UGGT2: variants seen among roughly 807,000 people sequenced by gnomAD.
UGGT2 encodes UDP-glucose:glycoprotein glucosyltransferase 2.
UGGT2 carries 180 observed loss-of-function variants against 192.1 expected under a neutral mutation model. The ratio of observed to expected loss-of-function variants is 0.94; its 90% confidence interval spans 0.83 to 1.06. UGGT2 has a LOEUF of 1.06. UGGT2 is among the 50% of genes least tolerant of loss of function. UGGT2 has a pLI of 0.00. For synonymous variants in UGGT2, 580 were observed against 591.0 expected, an observed-to-expected ratio of 0.98 and a Z score of 0.27; for missense variants, 1,849 against 1,795.7, an observed-to-expected ratio of 1.03 and a Z score of -0.54.
At chr13:96,052,532 T>C (rs747007794) in intron 1 of UGGT2, among the ~76,000 whole-genome samples, 2 of 152,182 alleles carry the variant, frequency 1.3e-5, no homozygotes, top group African/African-American at 2.4e-5. Flanking sequence ...ATGGAGTCTC[T>C]TTTTAGGGAC....
chr13:95,912,119 CA>C (rs1302096538), intron 20 of UGGT2, among the ~76,000 whole-genome samples: 4 of 150,542 alleles, frequency 2.7e-5, no homozygotes, highest in Non-Finnish European at 4.4e-5. Context: ...GACAAACCCA[CA>C]GCCAATATCA....
intron 2 of UGGT2, among the ~76,000 whole-genome samples, chr13:96,025,766 G>C (rs186614848): frequency 2.0e-5 from 3 of 152,260 alleles, no homozygotes; most frequent in African/African-American, 7.2e-5. Flanking sequence ...ACCAAAAAAA[G>C]AGGGAGATAT....
At chr13:95,903,805 C>T (rs551259275) in intron 20 of UGGT2, among the ~76,000 whole-genome samples, 1 of 152,206 alleles carries the variant, frequency 6.6e-6, no homozygotes, top group African/African-American at 2.4e-5. Flanking sequence ...AATAGTTTTT[C>T]AAAGTAATAT....
At chr13:95,842,088 A>G (rs148843429) in intron 36 of UGGT2, among the ~76,000 whole-genome samples, 201 of 152,334 alleles carry the variant, frequency 1.3e-3, no homozygotes, top group Non-Finnish European at 2.1e-3. Context: ...AAAGAATTTT[A>G]CATATGTATA....
At chr13:95,961,794 T>C (rs1005469176) in intron 12 of UGGT2, among the ~76,000 whole-genome samples, 4 of 152,134 alleles carry the variant, frequency 2.6e-5, no homozygotes, top group African/African-American at 9.7e-5. Context: ...ACATTCTTCT[T>C]ACCAGCAGAT....
rs1202003678 is a variant in UGGT2, at chr13:95,902,881, T to G, written c.2475A>C (p.Gly825=). 1.2e-6 allele frequency: 2 copies of G among 1,613,308 alleles called. No individual in the cohort carries two copies. Among genetic ancestry groups the G allele is most frequent in the East Asian group, 2.2e-5 (1 of 44,786 alleles). The change falls in exon 21 of 39, where the codon GGA becomes GGC. Residue 825 remains glycine (G), a synonymous_variant. Coordinates refer to ENST00000376747, the MANE Select transcript of UGGT2 (RefSeq NM_020121.4). ...CAATAAGGAATGTTTTAATTTTATCTCCAGAGTAAATAGCTGTAGCAATTT... is the reference window on the plus strand; with the variant it reads ...CAATAAGGAATGTTTTAATTTTATCGCCAGAGTAAATAGCTGTAGCAATTT... The part of the protein sequence containing the change: ...KEEIATAIYS[G]DKIKTFLIEG...
chr13:95,895,207 A>G lies in UGGT2; in HGVS notation c.2732T>C (p.Val911Ala). The G allele has an allele frequency of 1.4e-5, 23 of 1,587,046 alleles. No individual in the cohort carries two copies. Among genetic ancestry groups the G allele is most frequent in the Non-Finnish European group, 1.9e-5 (22 of 1,172,662 alleles). The change falls in exon 23 of 39, where the codon GTT becomes GCT. Residue 911 changes from valine (V) to alanine (A), a missense_variant. Val to Ala is a moderately conservative substitution (Grantham distance 64, BLOSUM62 0). Coordinates refer to ENST00000376747, the MANE Select transcript of UGGT2 (RefSeq NM_020121.4). ...ATTTGCGTTGATTCCCATATTTTCA[A>G]CAATGCCTTTAATTTTCTCTCCTAA... ...SNLGEKIKGI[V>A]ENMGINANNM...
At chr13:95,950,313 G>C (rs2050017210) in intron 12 of UGGT2, among the ~76,000 whole-genome samples, 1 of 152,110 alleles carries the variant, frequency 6.6e-6, no homozygotes, top group Admixed American at 6.6e-5. Context: ...ATAGTACTGA[G>C]AAGACAGAGA....
chr13:96,014,085 T>C (rs1349552500), intron 4 of UGGT2, among the ~76,000 whole-genome samples: 1 of 152,166 alleles, frequency 6.6e-6, no homozygotes, highest in Non-Finnish European at 1.5e-5. Flanking sequence ...TTTAAGTTTC[T>C]GAGGCTCAGA....
At chr13:95,825,670 T>G (rs1257637003) in intron 38 of UGGT2, among the ~76,000 whole-genome samples, 1 of 152,118 alleles carries the variant, frequency 6.6e-6, no homozygotes, top group Non-Finnish European at 1.5e-5. Context: ...GTGTCTGCAG[T>G]GGTGGACAAG....
intron 12 of UGGT2, among the ~76,000 whole-genome samples, chr13:95,959,542 C>T (rs2140688440): frequency 6.6e-6 from 1 of 152,274 alleles, no homozygotes; most frequent in Middle Eastern, 3.4e-3. Flanking sequence ...TGGGGATCAC[C>T]CAGCACAATC....
chr13:95,866,287 T>C (rs1890647279), intron 30 of UGGT2, among the ~76,000 whole-genome samples: 1 of 152,158 alleles, frequency 6.6e-6, no homozygotes, highest in African/African-American at 2.4e-5. Flanking sequence ...TTAATTTCTT[T>C]AAAAAAAGTA....
intron 12 of UGGT2, 30 bp downstream of exon 12, chr13:95,970,082 T>C: frequency 1.3e-6 from 2 of 1,584,726 alleles, no homozygotes. Flanking sequence ...TACTACAGGT[T>C]TTAGAACAAG....
At chr13:95,905,772 T>C (rs1012687283) in intron 20 of UGGT2, among the ~76,000 whole-genome samples, 1 of 152,110 alleles carries the variant, frequency 6.6e-6, no homozygotes, top group African/African-American at 2.4e-5. Context: ...ATTGACTTGG[T>C]GATGCGGGCT....
At chr13:95,983,455 G>A (rs951036585) in intron 10 of UGGT2, 32 of 365,122 alleles carry the variant, frequency 8.8e-5, no homozygotes, top group Admixed American at 5.8e-4. Context: ...GGATTCTACC[G>A]TTCCAGTGGT....
At chr13:95,890,545 A>C (rs1221799181) in intron 25 of UGGT2, among the ~76,000 whole-genome samples, 1 of 152,144 alleles carries the variant, frequency 6.6e-6, no homozygotes, top group Non-Finnish European at 1.5e-5. Flanking sequence ...TTTAACCTTA[A>C]TGATCCCCTT....
At chr13:95,914,964 A>C (rs1240080521) in intron 20 of UGGT2, among the ~76,000 whole-genome samples, 1 of 152,182 alleles carries the variant, frequency 6.6e-6, no homozygotes, top group Non-Finnish European at 1.5e-5. Flanking sequence ...TGACATGCAA[A>C]ATATTGATCT....
intron 20 of UGGT2, among the ~76,000 whole-genome samples, chr13:95,904,285 T>A (rs918355245): frequency 6.6e-5 from 10 of 152,158 alleles, no homozygotes; most frequent in African/African-American, 2.2e-4. Flanking sequence ...AAAAAGATAA[T>A]CTATATTATC....
intron 1 of UGGT2, among the ~76,000 whole-genome samples, chr13:96,034,767 G>A (rs1206374211): frequency 6.6e-6 from 1 of 152,234 alleles, no homozygotes; most frequent in East Asian, 1.9e-4. Context: ...GCCTGTGCCA[G>A]TACCTGGAGC....
Sources: allele counts gnomAD v4.1 joint callset (sites outside exome capture counted in the v4.1 genomes callset), GRCh38; gene constraint gnomAD v4.1.1; transcripts MANE v1.5; gene names NCBI Gene and HGNC (gene_info 2026-07-23, HGNC 2026-07-21).